NAALADL2: variants seen among roughly 807,000 people sequenced by gnomAD.
The protein encoded by NAALADL2 is inactive N-acetylated-alpha-linked acidic dipeptidase-like protein 2.
Under a neutral mutation model 87.2 loss-of-function variants are expected in NAALADL2, and 76 were observed. That is an observed-to-expected ratio of 0.87 (90% CI 0.72 to 1.05). The LOEUF (loss-of-function observed/expected upper bound fraction) is 1.05. Ranked by LOEUF, NAALADL2 falls within the 50% of genes least tolerant of loss-of-function variation. The pLI, the probability that NAALADL2 is intolerant of heterozygous loss-of-function variation, is 0.00. For synonymous variants in NAALADL2, 354 were observed against 331.0 expected, an observed-to-expected ratio of 1.07 and a Z score of -0.75; for missense variants, 1,089 against 945.8, an observed-to-expected ratio of 1.15 and a Z score of -1.99.
intron 1 of NAALADL2, among the ~76,000 whole-genome samples, chr3:174,489,947 G>T (rs534182318): frequency 3.7e-4 from 56 of 152,222 alleles, no homozygotes; most frequent in African/African-American, 1.3e-3. Flanking sequence ...CTTCTATGTA[G>T]AGAGGGGAAT....
chr3:175,719,012 T>G (rs1255324172), intron 11 of NAALADL2, among the ~76,000 whole-genome samples: 3 of 152,176 alleles, frequency 2.0e-5, no homozygotes, highest in Non-Finnish European at 4.4e-5. Context: ...ATCCGCTTTG[T>G]GCTAAAATGC....
At chr3:174,516,107 G>T (rs1578064840) in intron 1 of NAALADL2, among the ~76,000 whole-genome samples, 1 of 151,992 alleles carries the variant, frequency 6.6e-6, no homozygotes, top group African/African-American at 2.4e-5. Flanking sequence ...ATATTTCATG[G>T]TCTTCATACT....
intron 9 of NAALADL2, among the ~76,000 whole-genome samples, chr3:175,573,014 A>G (rs1718318264): frequency 6.6e-6 from 1 of 152,222 alleles, no homozygotes; most frequent in Admixed American, 6.5e-5. Flanking sequence ...TTATATAACT[A>G]AATGTTTATA....
intron 2 of NAALADL2, among the ~76,000 whole-genome samples, chr3:175,154,863 G>A (rs529336111): frequency 3.4e-4 from 51 of 152,152 alleles, no homozygotes; most frequent in South Asian, 1.0e-3. Context: ...AGGATTTGTA[G>A]CAAATCACAG....
chr3:174,479,149 G>A (rs996276918), intron 1 of NAALADL2, among the ~76,000 whole-genome samples: 7 of 152,090 alleles, frequency 4.6e-5, no homozygotes, highest in African/African-American at 1.7e-4. Flanking sequence ...TCATCTTATA[G>A]TCATATTTTG....
chr3:175,032,327 AT>A (rs929114494), intron 1 of NAALADL2, among the ~76,000 whole-genome samples: 7 of 152,032 alleles, frequency 4.6e-5, no homozygotes, highest in East Asian at 1.9e-4. Context: ...AAAAATTAGC[AT>A]TTTTTTAACA....
At chr3:175,698,492 T>TAG (rs1553953658) in intron 11 of NAALADL2, among the ~76,000 whole-genome samples, 1 of 139,402 alleles carries the variant, frequency 7.2e-6, no homozygotes, top group African/African-American at 2.8e-5. Context: ...TTTATATATA[T>TAG]ATATATATAT....
At chr3:174,941,572 A>G (rs777740056) in intron 1 of NAALADL2, among the ~76,000 whole-genome samples, 17 of 151,968 alleles carry the variant, frequency 1.1e-4, no homozygotes, top group South Asian at 2.1e-4. Context: ...TGCCTTGACA[A>G]TCTCTCTAAT....
At chr3:174,761,329 CAA>C (rs1712917244) in intron 3 of NAALADL2, among the ~76,000 whole-genome samples, 1 of 151,530 alleles carries the variant, frequency 6.6e-6, no homozygotes, top group Admixed American at 6.6e-5. Context: ...AAAAAACTAA[CAA>C]AAGTTTGAAT....
chr3:174,479,164 C>T (rs1717402656), intron 1 of NAALADL2, among the ~76,000 whole-genome samples: 1 of 152,114 alleles, frequency 6.6e-6, no homozygotes. Flanking sequence ...ATTTTGAATG[C>T]TCATACATGT....
intron 2 of NAALADL2, among the ~76,000 whole-genome samples, chr3:174,615,610 T>A (rs2108652424): frequency 6.6e-6 from 1 of 152,252 alleles, no homozygotes; most frequent in South Asian, 2.1e-4. Context: ...TAGGGATCTA[T>A]ATCATTGATT....
intron 1 of NAALADL2, among the ~76,000 whole-genome samples, chr3:174,971,011 G>A (rs1743555845): frequency 6.6e-6 from 1 of 152,162 alleles, no homozygotes; most frequent in African/African-American, 2.4e-5. Flanking sequence ...GCTTAGAATC[G>A]TGGTGGGAGG....
At chr3:175,090,096 A>G (rs1353729636) in intron 1 of NAALADL2, among the ~76,000 whole-genome samples, 1 of 152,110 alleles carries the variant, frequency 6.6e-6, no homozygotes, top group Non-Finnish European at 1.5e-5. Context: ...ACTTCTAGAA[A>G]CAAGCAGGAA....
chr3:174,829,121 G>GT (rs1553867079), intron 3 of NAALADL2, among the ~76,000 whole-genome samples: 1 of 148,254 alleles, frequency 6.7e-6, no homozygotes, highest in Non-Finnish European at 1.5e-5. Context: ...TGTTGTTGTT[G>GT]TTTTTAATTA....
rs913382744 is a variant in NAALADL2, at chr3:174,898,112, C to CAAAAAAAAAAAAAAAAA, written c.43+38677_43+38693dup. Among the ~76,000 whole-genome samples, 8 of 14,498 alleles carry CAAAAAAAAAAAAAAAAA rather than the reference C, an allele frequency of 5.5e-4. 1 individual carries two copies. The highest frequency in any genetic ancestry group is 1.6e-3 in the African/African-American group (6 of 3,654). The allele number at this position is 14,498 out of a possible 152,430, so 9.5% of individuals were successfully genotyped here. On this transcript the variant is annotated intron_variant, in intron 1 of 13. Transcript: ENST00000454872. ...TGGGTGACAGAGCGAGACTCCGTCT[C>CAAAAAAAAAAAAAAAAA]AAAAAAAAAAAAAAAAAAAAAAAAA...
At chr3:174,765,429 A>G (rs550157329) in intron 3 of NAALADL2, among the ~76,000 whole-genome samples, 362 of 152,254 alleles carry the variant, frequency 2.4e-3, no homozygotes, top group African/African-American at 8.1e-3. Flanking sequence ...TCTTCTTATC[A>G]TATTTATCTC....
intron 1 of NAALADL2, among the ~76,000 whole-genome samples, chr3:175,011,021 T>C (rs1749712247): frequency 6.6e-6 from 1 of 152,168 alleles, no homozygotes; most frequent in African/African-American, 2.4e-5. Flanking sequence ...TCAGAATTAC[T>C]AGATTTTGAC....
In NAALADL2 at chr3:175,297,267, T is replaced by A. The variant is rs114373778; in HGVS notation, c.940-26908T>A. On this transcript the variant is annotated intron_variant, in intron 4 of 13. Coordinates refer to ENST00000454872, the MANE Select transcript of NAALADL2 (RefSeq NM_207015.3). ...CCAAAAGCCAATAGGTAACTAAGTG[T>A]TCAACATAGCACTCCTATGTTTTAT... Among the ~76,000 whole-genome samples the A allele has an allele frequency of 9.9e-3, 1,515 of 152,306 alleles. 31 individuals are homozygous for A. The highest frequency in any genetic ancestry group is 0.034 in the African/African-American group (1,429 of 41,574).
At chr3:174,493,122 T>A (rs57023326) in intron 1 of NAALADL2, among the ~76,000 whole-genome samples, 19,063 of 152,150 alleles carry the variant, frequency 0.13, 2,124 homozygotes, top group East Asian at 0.47. Flanking sequence ...GCTTTTTTAT[T>A]TGAGTGAGGA....
Sources: allele counts gnomAD v4.1 joint callset (sites outside exome capture counted in the v4.1 genomes callset), GRCh38; gene constraint gnomAD v4.1.1; transcripts MANE v1.5; gene names NCBI Gene and HGNC (gene_info 2026-07-23, HGNC 2026-07-21).